The following KALRN variants were observed in gnomAD, a reference collection of about 807,000 sequenced individuals.
KALRN encodes kalirin.
A neutral mutation model predicts 353.7 loss-of-function variants in KALRN; 70 were observed. The observed-to-expected ratio is 0.20, with a 90% CI of 0.16 to 0.24. KALRN has a LOEUF of 0.24. Ranked by LOEUF, KALRN falls within the 10% of genes least tolerant of loss-of-function variation. The pLI, the probability that KALRN is intolerant of heterozygous loss-of-function variation, is 1.00. For missense variants in KALRN, 2,791 were observed against 3,756.7 expected (o/e 0.74, Z 6.72); for synonymous variants, 1,391 against 1,434.8 (o/e 0.97, Z 0.69).
chr3:124,107,007 T>TTGCAAGTGGCAC (rs2062376765), intron 1 of KALRN, among the ~76,000 whole-genome samples: 1 of 152,118 alleles, frequency 6.6e-6, no homozygotes, highest in Non-Finnish European at 1.5e-5. Context: ...CTGAGTGGGG[T>TTGCAAGTGGCAC]TGCAAGTGGC....
intron 43 of KALRN, among the ~76,000 whole-genome samples, chr3:124,660,225 G>T (rs2084666657): frequency 6.6e-6 from 1 of 152,162 alleles, no homozygotes; most frequent in Non-Finnish European, 1.5e-5. Flanking sequence ...GAGCCACTGT[G>T]CCCGGCCTAA....
intron 1 of KALRN, among the ~76,000 whole-genome samples, chr3:124,143,706 A>T (rs772119628): frequency 6.6e-6 from 1 of 152,224 alleles, no homozygotes; most frequent in Non-Finnish European, 1.5e-5. Flanking sequence ...AATGCCATCT[A>T]TACATAGACA....
At chr3:124,652,727 G>A (rs1414432194) in intron 38 of KALRN, among the ~76,000 whole-genome samples, 2 of 152,132 alleles carry the variant, frequency 1.3e-5, no homozygotes, top group African/African-American at 4.8e-5. Context: ...ACAGGCACCC[G>A]CCACCGCATC....
intron 13 of KALRN, among the ~76,000 whole-genome samples, chr3:124,408,726 A>G (rs63121062): frequency 1.3e-5 from 2 of 149,954 alleles, no homozygotes; most frequent in Non-Finnish European, 3.0e-5. Context: ...GAAAAAAAAA[A>G]GGGAGGGGCA....
At chr3:124,089,526 G>A (rs2060994793) in intron 1 of KALRN, among the ~76,000 whole-genome samples, 1 of 152,166 alleles carries the variant, frequency 6.6e-6, no homozygotes, top group African/African-American at 2.4e-5. Context: ...TGGTGGAAAT[G>A]AGATGGAGGA....
Position 124,446,744 on chromosome 3 carries a change from G to A in KALRN, c.3430-19G>A. ...ACAGCTGCCTTTTTGGGGACTGGATGAGTTGTTTCCTCCCATAGGCGCTTG... is the reference window on the plus strand; with the variant it reads ...ACAGCTGCCTTTTTGGGGACTGGATAAGTTGTTTCCTCCCATAGGCGCTTG... On this transcript the variant is annotated intron_variant, in intron 20 of 59. Transcript: ENST00000682506. 6.2e-7 allele frequency: 1 copy of A among 1,613,730 alleles called. No homozygotes were observed. Among genetic ancestry groups the A allele is most frequent in the Non-Finnish European group, 8.5e-7 (1 of 1,179,858 alleles).
At chr3:124,694,636 T>A in intron 53 of KALRN, 133 bp downstream of exon 53, 1 of 843,718 alleles carries the variant, frequency 1.2e-6, no homozygotes. Context: ...AGCCTGTTCT[T>A]GGGCAAACAC....
In KALRN at chr3:124,562,739, T is replaced by C. The variant is rs1026449291; in HGVS notation, c.4936-104T>C. 4 of 1,057,164 alleles carry C rather than the reference T, an allele frequency of 3.8e-6. No homozygotes were observed. In the African/African-American group the frequency reaches 5.0e-5, roughly 13 times the overall value. 65.5% of individuals were successfully genotyped at this position (1,057,164 alleles called of 1,614,324 possible). On this transcript the variant is annotated intron_variant, in intron 33 of 59. Transcript: ENST00000682506. ...TTCCCCTTCTCTTCCTCCTTACCTC[T>C]GCTCTCACACATCCTTCGTCCCCTC...
intron 29 of KALRN, among the ~76,000 whole-genome samples, chr3:124,490,396 G>A (rs1054880176): frequency 4.6e-5 from 7 of 152,170 alleles, no homozygotes; most frequent in African/African-American, 1.7e-4. Context: ...CTTGCAGGAG[G>A]CCAACTGTGG....
In KALRN at chr3:124,672,138, G is replaced by T. The variant is rs148612821; in HGVS notation, c.6942+240G>T. ...AATTTTTGTATTTTTAGTACAGATGGGGTTTCACCATGTTGGCCAGGCTGG... is the reference window on the plus strand; with the variant it reads ...AATTTTTGTATTTTTAGTACAGATGTGGTTTCACCATGTTGGCCAGGCTGG... On this transcript the variant is annotated intron_variant, in intron 48 of 59. Transcript: ENST00000682506. Among the ~76,000 whole-genome samples the T allele has an allele frequency of 9.6e-3, 1,456 of 152,194 alleles. 28 individuals are homozygous for T. Among genetic ancestry groups the T allele is most frequent in the African/African-American group, 0.033 (1,390 of 41,524 alleles).
At chr3:124,428,726 A>G (rs2093141783) in intron 15 of KALRN, among the ~76,000 whole-genome samples, 1 of 152,352 alleles carries the variant, frequency 6.6e-6, no homozygotes, top group South Asian at 2.1e-4. Flanking sequence ...AAATGATGTT[A>G]TATAATTTAA....
At chr3:124,136,205 AT>A (rs5852389) in intron 1 of KALRN, among the ~76,000 whole-genome samples, 55,358 of 149,274 alleles carry the variant, frequency 0.37, 10,336 homozygotes, top group East Asian at 0.48. Flanking sequence ...TGGGTTTTTC[AT>A]TTTTTTTTTT....
intron 1 of KALRN, among the ~76,000 whole-genome samples, chr3:124,120,711 AATATATATATATATATAT>A (rs368470724): frequency 6.1e-5 from 6 of 98,936 alleles, no homozygotes; most frequent in African/African-American, 1.7e-4. Flanking sequence ...GAATACTAAA[AATATATATATATATATAT>A]ATATATATAT....
chr3:124,064,449 T>C (rs2042198435), intron 1 of KALRN, among the ~76,000 whole-genome samples: 1 of 152,170 alleles, frequency 6.6e-6, no homozygotes, highest in South Asian at 2.1e-4. Context: ...CCTTGATGAA[T>C]AGAGAAGAAG....
intron 9 of KALRN, among the ~76,000 whole-genome samples, chr3:124,341,605 G>C (rs1357494315): frequency 6.6e-6 from 1 of 152,234 alleles, no homozygotes; most frequent in South Asian, 2.1e-4. Context: ...TAGAGTTACA[G>C]TGGGAGTGTA....
At chr3:124,557,006 ATAAT>A (rs2071345973) in intron 33 of KALRN, among the ~76,000 whole-genome samples, 1 of 152,248 alleles carries the variant, frequency 6.6e-6, no homozygotes, top group Non-Finnish European at 1.5e-5. Context: ...TAATGGCTGC[ATAAT>A]TAATTACTCA....
At chr3:124,415,476 T>C (rs147502638) in intron 14 of KALRN, among the ~76,000 whole-genome samples, 1 of 152,378 alleles carries the variant, frequency 6.6e-6, no homozygotes, top group African/African-American at 2.4e-5. Flanking sequence ...CAAGGGCTCA[T>C]ACCTGAACTC....
At chr3:124,591,116 C>T (rs1448599239) in intron 34 of KALRN, among the ~76,000 whole-genome samples, 1 of 152,120 alleles carries the variant, frequency 6.6e-6, no homozygotes, top group Non-Finnish European at 1.5e-5. Context: ...TTAAATGTAC[C>T]TGCTTTCAAA....
chr3:124,490,628 G>T (rs2063057564), intron 29 of KALRN, 66 bp from the exon 30 acceptor site: 3 of 1,470,162 alleles, frequency 2.0e-6, no homozygotes, highest in Admixed American at 1.9e-5. Context: ...CAAGAGGGGG[G>T]TGGAACATGG....
Sources: gnomAD v4.1 joint callset for allele counts (sites outside exome capture counted in the v4.1 genomes callset) on GRCh38, gnomAD v4.1.1 for gene constraint, MANE v1.5 for transcripts, NCBI Gene and HGNC (gene_info 2026-07-23, HGNC 2026-07-21) for gene names.